The following DDAH1 variants were observed in gnomAD, a reference collection of about 807,000 sequenced individuals.
DDAH1 encodes dimethylarginine dimethylaminohydrolase 1.
DDAH1 carries 19 observed loss-of-function variants against 28.8 expected under a neutral mutation model. That is an observed-to-expected ratio of 0.66 (90% CI 0.46 to 0.97). The LOEUF (loss-of-function observed/expected upper bound fraction) is 0.97. Ranked by LOEUF, DDAH1 falls within the 50% of genes least tolerant of loss-of-function variation. DDAH1 has a pLI of 0.00. For missense variants in DDAH1, 326 were observed against 375.9 expected (o/e 0.87, Z 1.10); for synonymous variants, 153 against 154.4 (o/e 0.99, Z 0.07).
At chr1:85,444,684 G>T (rs1369666393) in intron 1 of DDAH1, among the ~76,000 whole-genome samples, 3 of 152,170 alleles carry the variant, frequency 2.0e-5, no homozygotes, top group African/African-American at 7.2e-5. Context: ...CCTACTGTGT[G>T]CTCCTCACTG....
intron 1 of DDAH1, among the ~76,000 whole-genome samples, chr1:85,453,731 T>C (rs971457366): frequency 1.3e-5 from 2 of 152,224 alleles, no homozygotes; most frequent in East Asian, 1.9e-4. Context: ...ATTGCTGAAA[T>C]GGATTACTTG....
chr1:85,576,210 T>C (rs1284889069), intron 1 of DDAH1, among the ~76,000 whole-genome samples: 2 of 152,192 alleles, frequency 1.3e-5, no homozygotes, highest in Non-Finnish European at 2.9e-5. Flanking sequence ...GAACCCTATA[T>C]AATGTGTTAA....
rs375851069 is a variant in DDAH1, at chr1:85,522,315, G to A, written c.-122-26034C>T. On this transcript the variant is annotated intron_variant, in intron 1 of 6. Transcript: ENST00000426972. Reference sequence around the variant, plus strand: ...GACCACAAACCAATAAGAACAATGAGTTGAATCATAAAAATTCCATGCTAT... The same window carrying A: ...GACCACAAACCAATAAGAACAATGAATTGAATCATAAAAATTCCATGCTAT... Among the ~76,000 whole-genome samples, 215 of 60,976 alleles carry A rather than the reference G, an allele frequency of 3.5e-3. 2 individuals are homozygous for A. The highest frequency in any genetic ancestry group is 0.013 in the African/African-American group (200 of 15,140). 40.0% of individuals were successfully genotyped at this position (60,976 alleles called of 152,430 possible). A position where few individuals can be genotyped will look rare whatever the true frequency, so the allele number is the denominator to read the frequency against.
chr1:85,531,188 A>G (rs1362612865), intron 1 of DDAH1, among the ~76,000 whole-genome samples: 15 of 152,070 alleles, frequency 9.9e-5, no homozygotes, highest in Non-Finnish European at 1.6e-4. Flanking sequence ...GACTACCAGG[A>G]CCTACTTCTG....
intron 1 of DDAH1, among the ~76,000 whole-genome samples, chr1:85,567,486 C>T (rs1659337973): frequency 6.6e-6 from 1 of 152,216 alleles, no homozygotes; most frequent in Admixed American, 6.5e-5. Context: ...TAAGATGTGA[C>T]TTGCTCCTTT....
chr1:85,374,068 C>T (rs1049574551), intron 1 of DDAH1, among the ~76,000 whole-genome samples: 31 of 152,164 alleles, frequency 2.0e-4, no homozygotes, highest in South Asian at 1.5e-3. Context: ...CTTGTCAGTG[C>T]GTACTTTCCA....
intron 1 of DDAH1, among the ~76,000 whole-genome samples, chr1:85,556,833 G>A (rs1469027914): frequency 6.6e-6 from 1 of 152,170 alleles, no homozygotes; most frequent in Non-Finnish European, 1.5e-5. Context: ...TAGAATAAAA[G>A]TGGCTGGGCA....
intron 1 of DDAH1, among the ~76,000 whole-genome samples, chr1:85,571,097 C>T (rs564233561): frequency 3.9e-5 from 6 of 152,284 alleles, no homozygotes; most frequent in African/African-American, 1.4e-4. Flanking sequence ...TCAAAAAGCT[C>T]ATCTCAGAGG....
At chr1:85,524,677 G>A (rs1385635533) in intron 1 of DDAH1, among the ~76,000 whole-genome samples, 1 of 151,856 alleles carries the variant, frequency 6.6e-6, no homozygotes, top group Non-Finnish European at 1.5e-5. Flanking sequence ...TTTCCCCTAG[G>A]TCACTGGGAA....
At chr1:85,477,684 ATATAG>A (rs959293478) in intron 2 of DDAH1, among the ~76,000 whole-genome samples, 1 of 151,922 alleles carries the variant, frequency 6.6e-6, no homozygotes, top group African/African-American at 2.4e-5. Context: ...ATAGAAATAT[ATATAG>A]TATATTATGA....
intron 3 of DDAH1, among the ~76,000 whole-genome samples, chr1:85,351,135 A>G (rs990504282): frequency 6.6e-6 from 1 of 151,616 alleles, no homozygotes; most frequent in African/African-American, 2.4e-5. Flanking sequence ...GGCTCATGCA[A>G]TCCTCCTGCC....
At chr1:85,404,250 T>C in intron 1 of DDAH1, 2 of 749,200 alleles carry the variant, frequency 2.7e-6, no homozygotes, top group Non-Finnish European at 4.0e-6. Flanking sequence ...ATTTCTAGAA[T>C]CCACTTCTTA....
intron 1 of DDAH1, among the ~76,000 whole-genome samples, chr1:85,561,181 T>C (rs1350194820): frequency 6.6e-6 from 1 of 152,128 alleles, no homozygotes. Context: ...CATACCTTTG[T>C]ATTGTAGTTT....
chr1:85,566,604 AG>A (rs1659311926), intron 1 of DDAH1, among the ~76,000 whole-genome samples: 1 of 152,184 alleles, frequency 6.6e-6, no homozygotes, highest in Admixed American at 6.5e-5. Flanking sequence ...AGACACAAGT[AG>A]GTTAAAAGCA....
Position 85,483,540 on chromosome 1 carries a change from GA to G in DDAH1, c.-7+12625del, listed in dbSNP as rs1363555762. 2.0e-5 allele frequency among the ~76,000 whole-genome samples: 3 copies of G among 152,248 alleles called. 1 individual carries two copies. The highest frequency in any genetic ancestry group is 1.3e-4 in the Admixed American group (2 of 15,288). On this transcript the variant is annotated intron_variant, in intron 2 of 6. Coordinates refer to the DDAH1 transcript ENST00000426972. Reference sequence around the variant, plus strand: ...AGATGTGACATTTTTTGGATTTTAGGAAGATAATGTGGTGAGTATATCTGTT... The same window carrying G: ...AGATGTGACATTTTTTGGATTTTAGGAGATAATGTGGTGAGTATATCTGTT...
chr1:85,524,944 A>T (rs1657812686), intron 1 of DDAH1, among the ~76,000 whole-genome samples: 1 of 73,608 alleles, frequency 1.4e-5, no homozygotes, highest in African/African-American at 3.5e-5. Flanking sequence ...TCAGCGGCAA[A>T]GAATGGGCAC....
intron 4 of DDAH1, among the ~76,000 whole-genome samples, chr1:85,348,611 C>A (rs570672606): frequency 2.9e-4 from 44 of 152,246 alleles, no homozygotes; most frequent in African/African-American, 9.6e-4. Flanking sequence ...TGAATTCTAC[C>A]CTGTCAAATG....
rs10630765 is a variant in DDAH1, at chr1:85,410,637, C to CAAAAA, written c.304-51795_304-51791dup. On this transcript the variant is annotated intron_variant, in intron 1 of 5. Transcript: ENST00000284031. ...CTGCAATAAGAGCGAAGCTCTGCCT[C>CAAAAA]AAAAAAAAAAAAAAAATGGAAATGA... 1.2e-3 allele frequency among the ~76,000 whole-genome samples: 170 copies of CAAAAA among 142,250 alleles called. 1 individual carries two copies. The highest frequency in any genetic ancestry group is 1.9e-3 in the African/African-American group (73 of 38,172). The allele number at this position is 142,250 out of a possible 152,430, so 93.3% of individuals were successfully genotyped here. A position where few individuals can be genotyped will look rare whatever the true frequency, so the allele number is the denominator to read the frequency against.
chr1:85,570,364 T>TCACACACACA (rs35259175), intron 1 of DDAH1, among the ~76,000 whole-genome samples: 4,718 of 145,514 alleles, frequency 0.032, 103 homozygotes, highest in East Asian at 0.086. Context: ...ACACACACTG[T>TCACACACACA]CACACACACA....
Sources: gnomAD v4.1 joint callset for allele counts (sites outside exome capture counted in the v4.1 genomes callset) on GRCh38, gnomAD v4.1.1 for gene constraint, MANE v1.5 for transcripts, NCBI Gene and HGNC (gene_info 2026-07-23, HGNC 2026-07-21) for gene names.